The following PSD3 variants were observed in gnomAD, a reference collection of about 807,000 sequenced individuals.
The protein encoded by PSD3 is pleckstrin and Sec7 domain containing 3.
In PSD3, 49 loss-of-function variants were observed where a neutral mutation model predicts 105.5. That is an observed-to-expected ratio of 0.46 (90% CI 0.37 to 0.59). The LOEUF is 0.59. Ranked by LOEUF, PSD3 falls within the 20% of genes least tolerant of loss-of-function variation. The probability of loss-of-function intolerance (pLI) is 0.00; values close to 1 mark genes in which losing one functional copy is unlikely to be tolerated. For missense variants in PSD3, 1,561 were observed against 1,263.8 expected, an observed-to-expected ratio of 1.24 and a Z score of -3.57; for synonymous variants, 557 against 457.8, an observed-to-expected ratio of 1.22 and a Z score of -2.77.
rs930235718 is a variant in PSD3, at chr8:18,566,245, C to G, written c.2784+6283G>C. Among the ~76,000 whole-genome samples the G allele has an allele frequency of 2.0e-5, 3 of 152,260 alleles. No homozygotes were observed. The East Asian group carries it at 5.8e-4, about 29-fold the overall frequency. ...AGAGCTTTGGATAGAAAAATCCTTG[C>G]TGGGCAGGGTGGCTCACGCCTGTAA... is the stretch of plus-strand genomic sequence containing the variant. On this transcript the variant is annotated intron_variant, in intron 14 of 15. Coordinates refer to ENST00000327040, the MANE Select transcript of PSD3 (RefSeq NM_015310.4).
At chr8:18,575,730 G>A (rs1041143746) in intron 12 of PSD3, among the ~76,000 whole-genome samples, 2 of 152,104 alleles carry the variant, frequency 1.3e-5, no homozygotes. Flanking sequence ...ATGCCATTGT[G>A]TTCTTTGCTC....
At chr8:18,925,565 T>C (rs1338982232) in intron 2 of PSD3, among the ~76,000 whole-genome samples, 8 of 152,150 alleles carry the variant, frequency 5.3e-5, no homozygotes, top group African/African-American at 1.4e-4. Context: ...ATCTGAAACG[T>C]TGGAGTGCCA....
chr8:18,760,630 C>T lies in PSD3; in HGVS notation c.2172+4819G>A, dbSNP rs146785903. ...GCATATCTACCACATTTTATCCATT[C>T]GTCTGCTGATGAACATTTAGGATGA... On this transcript the variant is annotated intron_variant, in intron 9 of 15. Coordinates refer to ENST00000327040, the MANE Select transcript of PSD3 (RefSeq NM_015310.4). 4.1e-3 allele frequency among the ~76,000 whole-genome samples: 628 copies of T among 152,308 alleles called. 4 individuals carry two copies. Among genetic ancestry groups the T allele is most frequent in the African/African-American group, 0.014 (602 of 41,572 alleles).
chr8:18,710,450 A>G (rs1033428524), intron 9 of PSD3, among the ~76,000 whole-genome samples: 5 of 152,208 alleles, frequency 3.3e-5, no homozygotes, highest in African/African-American at 1.2e-4. Context: ...AACTTCCCCA[A>G]CCTAGCAAGA....
chr8:18,993,282 C>G (rs113987967), intron 1 of PSD3, among the ~76,000 whole-genome samples: 14 of 152,252 alleles, frequency 9.2e-5, no homozygotes, highest in African/African-American at 3.4e-4. Flanking sequence ...GGTTAAAGAT[C>G]ACAGTTCTAT....
At chr8:18,779,744 A>G (rs1181878873) in intron 8 of PSD3, among the ~76,000 whole-genome samples, 2 of 152,112 alleles carry the variant, frequency 1.3e-5, no homozygotes, top group African/African-American at 4.8e-5. Context: ...ACAATTTCCA[A>G]AGTTCTCATT....
intron 9 of PSD3, among the ~76,000 whole-genome samples, chr8:18,755,429 CAACATAACATAACATAACAT>C (rs372407715): frequency 6.6e-5 from 9 of 136,786 alleles, no homozygotes; most frequent in South Asian, 2.6e-4. Context: ...GACCCTGTCT[CAACATAACATAACATAACAT>C]AACATAACAT....
intron 9 of PSD3, among the ~76,000 whole-genome samples, chr8:18,665,483 G>A (rs1382104352): frequency 6.6e-6 from 1 of 152,216 alleles, no homozygotes; most frequent in Non-Finnish European, 1.5e-5. Flanking sequence ...GATGAGCAAA[G>A]AAAGTAGTTT....
chr8:18,910,681 C>T (rs1227129080), intron 2 of PSD3, among the ~76,000 whole-genome samples: 5 of 147,820 alleles, frequency 3.4e-5, no homozygotes, highest in Non-Finnish European at 7.4e-5. Context: ...TGCCCCAGGC[C>T]ATATCCTCTT....
chr8:18,957,619 C>A (rs1823658852), intron 1 of PSD3, among the ~76,000 whole-genome samples: 1 of 152,166 alleles, frequency 6.6e-6, no homozygotes, highest in Admixed American at 6.5e-5. Context: ...ACAGGGAGGG[C>A]TGTAAAAAAA....
At chr8:18,855,809 G>A (rs899726573) in intron 4 of PSD3, among the ~76,000 whole-genome samples, 10 of 152,324 alleles carry the variant, frequency 6.6e-5, no homozygotes, top group African/African-American at 2.4e-4. Flanking sequence ...AGATCTGGGG[G>A]CATAAAGAGG....
chr8:18,804,172 C>A lies in PSD3; in HGVS notation c.1910+350G>T, dbSNP rs190362586. Among the ~76,000 whole-genome samples, 414 of 152,220 alleles carry A rather than the reference C, an allele frequency of 2.7e-3. 2 individuals carry two copies. The highest frequency in any genetic ancestry group is 5.1e-3 in the Non-Finnish European group (345 of 68,010). On this transcript the variant is annotated intron_variant, in intron 6 of 15. Transcript: ENST00000327040. ...CTAAGTTCACAAACTACAGGTTAAA[C>A]GTCCCAAACCCAAAAATAAGAAATC... is the stretch of plus-strand genomic sequence containing the variant.
rs188918918 is a variant in PSD3 at position 18,753,817 on chromosome 8, T to C, written c.2172+11632A>G. ...ACCAAGTAAACAAAATGTAACATTT[T>C]TGATGACTCACTAAGTACATCCATT... On this transcript the variant is annotated intron_variant, in intron 9 of 15. Transcript: ENST00000327040. Among the ~76,000 whole-genome samples, 9 of 152,296 alleles carry C rather than the reference T, an allele frequency of 5.9e-5. No individual in the cohort carries two copies. In the East Asian group the frequency reaches 1.7e-3, roughly 29 times the overall value.
chr8:18,605,433 CCCCA>C lies in PSD3; in HGVS notation c.2411-5003_2411-5000del, dbSNP rs1169063016. Among the ~76,000 whole-genome samples, 3 of 152,036 alleles carry C rather than the reference CCCCA, an allele frequency of 2.0e-5. No individual in the cohort carries two copies. In the East Asian group the frequency reaches 5.8e-4, roughly 29 times the overall value. ...GGGAATATTTTCCCAATCCCTGTAT[CCCCA>C]TTGTATCTTGGGAGTAACTAACTTG... On this transcript the variant is annotated intron_variant, in intron 11 of 15. Coordinates refer to ENST00000327040, the MANE Select transcript of PSD3 (RefSeq NM_015310.4).
intron 9 of PSD3, among the ~76,000 whole-genome samples, chr8:18,710,514 G>A (rs1015511765): frequency 2.0e-5 from 3 of 152,044 alleles, no homozygotes; most frequent in African/African-American, 7.2e-5. Context: ...GATACTCCAT[G>A]AGAAGAACAA....
chr8:18,733,163 T>C (rs893736482), intron 9 of PSD3: 1 of 152,174 alleles, frequency 6.6e-6, no homozygotes, highest in African/African-American at 2.4e-5. Context: ...TGGCTCAATG[T>C]ATGTTTTACA....
At chr8:18,607,228 G>C (rs1278648810) in intron 11 of PSD3, among the ~76,000 whole-genome samples, 1 of 152,148 alleles carries the variant, frequency 6.6e-6, no homozygotes, top group African/African-American at 2.4e-5. Flanking sequence ...TCTCAGAACA[G>C]AGGCACAGTC....
intron 10 of PSD3, among the ~76,000 whole-genome samples, chr8:18,652,293 T>C (rs757871885): frequency 5.3e-5 from 8 of 151,706 alleles, no homozygotes; most frequent in Non-Finnish European, 1.2e-4. Flanking sequence ...GCAGAAGAAG[T>C]TTTAAGAGTG....
chr8:18,957,608 G>C (rs189708094), intron 1 of PSD3, among the ~76,000 whole-genome samples: 3 of 152,146 alleles, frequency 2.0e-5, no homozygotes, highest in Admixed American at 1.3e-4. Context: ...TTACAGCCTA[G>C]ACAGGGAGGG....
Sources: allele counts gnomAD v4.1 joint callset (sites outside exome capture counted in the v4.1 genomes callset), GRCh38; gene constraint gnomAD v4.1.1; transcripts MANE v1.5; gene names NCBI Gene and HGNC (gene_info 2026-07-23, HGNC 2026-07-21).